GALNT13: variants seen among roughly 807,000 people sequenced by gnomAD.
GALNT13 encodes UDP-GalNAc:polypeptide N-acetylgalactosaminyltransferase 13.
A neutral mutation model predicts 64.2 loss-of-function variants in GALNT13; 28 were observed. The observed-to-expected ratio is 0.44, with a 90% CI of 0.32 to 0.60. The LOEUF (loss-of-function observed/expected upper bound fraction) is 0.60, where lower values mean the gene tolerates loss of function less well. Ranked by LOEUF, GALNT13 falls within the 20% of genes least tolerant of loss-of-function variation. The pLI, the probability that GALNT13 is intolerant of heterozygous loss-of-function variation, is 0.05. For missense variants in GALNT13, 577 were observed against 669.8 expected (o/e 0.86, Z 1.53); for synonymous variants, 214 against 224.6 (o/e 0.95, Z 0.42).
chr2:153,500,203 T>G, the GALNT13 span, among the ~76,000 whole-genome samples: 2 of 152,156 alleles, frequency 1.3e-5, no homozygotes, highest in Non-Finnish European at 2.9e-5. Flanking sequence ...CAGAGGCCTA[T>G]CTAAGGGTTC....
At chr2:153,421,526 G>T in the GALNT13 span, 11 of 229,566 alleles carry the variant, frequency 4.8e-5, no homozygotes, top group South Asian at 8.5e-4. Context: ...CAACAGAGAA[G>T]TGAACCCAGA....
the GALNT13 span, among the ~76,000 whole-genome samples, chr2:153,139,877 T>C: frequency 6.6e-6 from 1 of 152,068 alleles, no homozygotes; most frequent in Non-Finnish European, 1.5e-5. Context: ...GGATACAGAA[T>C]GTTGCTCCAT....
At chr2:154,265,713 A>AAAC (rs1332891579) in intron 8 of GALNT13, among the ~76,000 whole-genome samples, 3 of 152,146 alleles carry the variant, frequency 2.0e-5, no homozygotes, top group Admixed American at 2.0e-4. Context: ...ACAAACAAAC[A>AAAC]AACAAATGCT....
intron 3 of GALNT13, among the ~76,000 whole-genome samples, chr2:153,980,858 G>A (rs1420182377): frequency 6.6e-6 from 1 of 152,076 alleles, no homozygotes. Flanking sequence ...AAGCCGTAAG[G>A]TATCGTGAAG....
At chr2:153,881,267 C>G (rs1218252130) in intron 1 of GALNT13, among the ~76,000 whole-genome samples, 1 of 152,068 alleles carries the variant, frequency 6.6e-6, no homozygotes, top group Non-Finnish European at 1.5e-5. Context: ...ATAAAACAAC[C>G]AATATATGGT....
At chr2:154,240,982 C>G (rs1159662547) in intron 4 of GALNT13, among the ~76,000 whole-genome samples, 1 of 152,182 alleles carries the variant, frequency 6.6e-6, no homozygotes, top group South Asian at 2.1e-4. Context: ...TCCGCCTCCT[C>G]CCACTGGTCA....
At chr2:153,976,348 T>C (rs1694077382) in intron 3 of GALNT13, among the ~76,000 whole-genome samples, 3 of 152,130 alleles carry the variant, frequency 2.0e-5, no homozygotes, top group African/African-American at 7.2e-5. Context: ...ACCATGAAGA[T>C]ACTGAAGTTT....
chr2:153,128,904 T>C, the GALNT13 span, among the ~76,000 whole-genome samples: 3 of 152,212 alleles, frequency 2.0e-5, no homozygotes, highest in Middle Eastern at 3.4e-3. Flanking sequence ...ATTTACTCAC[T>C]ATCATGAGAA....
chr2:154,006,161 A>T (rs1195305849), intron 3 of GALNT13, among the ~76,000 whole-genome samples: 4 of 152,204 alleles, frequency 2.6e-5, no homozygotes, highest in African/African-American at 9.6e-5. Context: ...ATCCTGTGAG[A>T]TTCTTAATTA....
chr2:154,258,340 T>C (rs1021226880), intron 7 of GALNT13, among the ~76,000 whole-genome samples: 3 of 152,106 alleles, frequency 2.0e-5, no homozygotes, highest in Non-Finnish European at 2.9e-5. Flanking sequence ...AAAAAAGTTT[T>C]AGAATCCCTT....
chr2:153,349,823 T>C, the GALNT13 span, among the ~76,000 whole-genome samples: 1 of 151,904 alleles, frequency 6.6e-6, no homozygotes, highest in Non-Finnish European at 1.5e-5. Flanking sequence ...GCAAACCATC[T>C]CCCTTCAGCA....
chr2:154,432,128 C>A (rs1700739232), intron 11 of GALNT13, among the ~76,000 whole-genome samples: 1 of 152,180 alleles, frequency 6.6e-6, no homozygotes, highest in Non-Finnish European at 1.5e-5. Flanking sequence ...AAGCAGAAAT[C>A]ATTACGACTT....
At chr2:153,285,111 G>A in the GALNT13 span, among the ~76,000 whole-genome samples, 147 of 151,832 alleles carry the variant, frequency 9.7e-4, 1 homozygote, top group African/African-American at 3.1e-3. Flanking sequence ...TTATAATTAC[G>A]GCAGAGGCAT....
intron 11 of GALNT13, among the ~76,000 whole-genome samples, chr2:154,415,149 C>A (rs1191843640): frequency 1.4e-5 from 2 of 147,018 alleles, no homozygotes; most frequent in African/African-American, 4.9e-5. Context: ...AAAAAAAAAA[C>A]TCTAATACAT....
At chr2:153,326,500 C>T in the GALNT13 span, among the ~76,000 whole-genome samples, 330 of 152,048 alleles carry the variant, frequency 2.2e-3, 2 homozygotes, top group Middle Eastern at 6.8e-3. Flanking sequence ...AGGTTAATAT[C>T]GTTATGTGTG....
At chr2:153,443,057 G>C in the GALNT13 span, among the ~76,000 whole-genome samples, 3 of 152,094 alleles carry the variant, frequency 2.0e-5, no homozygotes, top group African/African-American at 7.2e-5. Context: ...GGGAGTGAAC[G>C]GTTTTGTCTC....
At chr2:154,157,802 C>T (rs1400263845) in intron 4 of GALNT13, among the ~76,000 whole-genome samples, 1 of 152,126 alleles carries the variant, frequency 6.6e-6, no homozygotes, top group African/African-American at 2.4e-5. Flanking sequence ...ATTTAACAGT[C>T]AATTTTCAGT....
At chr2:153,454,330 G>C in the GALNT13 span, among the ~76,000 whole-genome samples, 3 of 152,196 alleles carry the variant, frequency 2.0e-5, no homozygotes, top group Admixed American at 1.3e-4. Flanking sequence ...AACTCATCCA[G>C]ATCCTACTTT....
At chr2:154,294,688 C>T (rs192388641) in intron 8 of GALNT13, among the ~76,000 whole-genome samples, 4 of 152,238 alleles carry the variant, frequency 2.6e-5, no homozygotes, top group African/African-American at 9.6e-5. Context: ...AACTCAATGA[C>T]ACTTTTATCC....
Sources: gnomAD v4.1 joint callset for allele counts (sites outside exome capture counted in the v4.1 genomes callset) on GRCh38, gnomAD v4.1.1 for gene constraint, MANE v1.5 for transcripts, NCBI Gene and HGNC (gene_info 2026-07-23, HGNC 2026-07-21) for gene names.